DLG2: variants seen among roughly 807,000 people sequenced by gnomAD.
DLG2 encodes the protein disks large homolog 2.
A neutral mutation model predicts 132.5 loss-of-function variants in DLG2; 45 were observed. That is an observed-to-expected ratio of 0.34 (90% confidence interval 0.27 to 0.44). The LOEUF (loss-of-function observed/expected upper bound fraction) is 0.44, where lower values mean the gene tolerates loss of function less well. DLG2 is among the 20% of genes least tolerant of loss of function. DLG2 has a pLI of 1.00. For missense variants in DLG2, 1,045 were observed against 1,196.9 expected (o/e 0.87, Z 1.87); for synonymous variants, 424 against 419.6 (o/e 1.01, Z -0.13).
intron 3 of DLG2, among the ~76,000 whole-genome samples, chr11:85,301,138 T>C (rs992123816): frequency 6.6e-6 from 1 of 152,000 alleles, no homozygotes; most frequent in African/African-American, 2.4e-5. Flanking sequence ...GAGGCAGAGA[T>C]TGTAGTGAGC....
chr11:83,678,760 C>G (rs750541008), intron 18 of DLG2, among the ~76,000 whole-genome samples: 2 of 152,184 alleles, frequency 1.3e-5, no homozygotes, highest in African/African-American at 2.4e-5. Context: ...GGGAAATTTG[C>G]TCAGTTCAAA....
At chr11:83,464,613 C>T (rs2090661231) in intron 26 of DLG2, among the ~76,000 whole-genome samples, 1 of 152,214 alleles carries the variant, frequency 6.6e-6, no homozygotes, top group Non-Finnish European at 1.5e-5. Flanking sequence ...GTACATTTAA[C>T]TTTCCTTGGT....
chr11:85,495,987 C>A (rs940379374), intron 3 of DLG2, among the ~76,000 whole-genome samples: 6 of 152,180 alleles, frequency 3.9e-5, no homozygotes, highest in African/African-American at 1.4e-4. Context: ...GAGATCGACG[C>A]AGAAGACACG....
chr11:84,448,333 A>C (rs2154480235), intron 7 of DLG2, among the ~76,000 whole-genome samples: 2 of 152,208 alleles, frequency 1.3e-5, no homozygotes, highest in East Asian at 3.9e-4. Context: ...ATTGAACTAC[A>C]TAATCAATTC....
chr11:85,334,063 G>A (rs1001955176), intron 3 of DLG2, among the ~76,000 whole-genome samples: 1 of 152,028 alleles, frequency 6.6e-6, no homozygotes, highest in African/African-American at 2.4e-5. Context: ...TTTCATCCTG[G>A]GCTTTTTCTG....
In DLG2 at chr11:84,326,106, AT is replaced by A. The variant is rs1299299960; in HGVS notation, c.520-74816del. On this transcript the variant is annotated intron_variant, in intron 7 of 27. Transcript: ENST00000376104. ...AACATAACTTCTTTCATTTTAAAAA[AT>A]TTTAGCTATTTGAGCCTTCTCTTTT... 2.6e-5 allele frequency among the ~76,000 whole-genome samples: 4 copies of A among 152,060 alleles called. No homozygotes were observed. The South Asian group carries it at 6.2e-4, about 24-fold the overall frequency.
intron 6 of DLG2, among the ~76,000 whole-genome samples, chr11:84,713,586 G>C (rs1218839675): frequency 6.6e-6 from 1 of 152,036 alleles, no homozygotes; most frequent in Non-Finnish European, 1.5e-5. Context: ...GTCTAACAGA[G>C]TTTTAACCCG....
At chr11:85,166,546 G>A (rs936109554) in intron 4 of DLG2, among the ~76,000 whole-genome samples, 1 of 151,848 alleles carries the variant, frequency 6.6e-6, no homozygotes, top group Non-Finnish European at 1.5e-5. Flanking sequence ...CAGCTGGATG[G>A]GCTCTCTCAA....
At chr11:83,665,756 A>G (rs79427273) in intron 18 of DLG2, among the ~76,000 whole-genome samples, 1 of 152,248 alleles carries the variant, frequency 6.6e-6, no homozygotes, top group Non-Finnish European at 1.5e-5. Flanking sequence ...CTAAGGAAAA[A>G]TGAATAATTT....
At chr11:85,535,226 G>A (rs181079215) in intron 3 of DLG2, among the ~76,000 whole-genome samples, 16 of 152,116 alleles carry the variant, frequency 1.1e-4, no homozygotes, top group African/African-American at 2.4e-4. Context: ...GTGGTGATGC[G>A]GAGTATTTAG....
chr11:85,380,499 A>C, intron 3 of DLG2, among the ~76,000 whole-genome samples: 1 of 152,154 alleles, frequency 6.6e-6, no homozygotes, highest in East Asian at 1.9e-4. Context: ...GTCTCTACTA[A>C]AAATACAAAA....
chr11:84,225,856 G>C (rs1597856279), intron 8 of DLG2, among the ~76,000 whole-genome samples: 2 of 151,426 alleles, frequency 1.3e-5, no homozygotes, highest in East Asian at 3.9e-4. Context: ...TGTTGCCCAG[G>C]CCGAAGTGCA....
chr11:83,677,195 A>G lies in DLG2; in HGVS notation c.1826-43870T>C, dbSNP rs1014185. Among the ~76,000 whole-genome samples, 800 of 152,298 alleles carry G rather than the reference A, an allele frequency of 5.3e-3. 10 individuals carry two copies. The highest frequency in any genetic ancestry group is 0.018 in the African/African-American group (764 of 41,558). On this transcript the variant is annotated intron_variant, in intron 18 of 27. Coordinates refer to ENST00000376104, the MANE Select transcript of DLG2 (RefSeq NM_001142699.3). ...TCAAATGATAAATAAAACATAAAGA[A>G]GAAACTAAAAATAAAATGGAGATAC...
intron 7 of DLG2, among the ~76,000 whole-genome samples, chr11:84,372,690 T>C (rs2154429832): frequency 6.6e-6 from 1 of 152,326 alleles, no homozygotes; most frequent in Middle Eastern, 3.4e-3. Context: ...AAGTCACAAA[T>C]GACAAATCAA....
chr11:83,878,022 T>C (rs1313928494), intron 15 of DLG2, among the ~76,000 whole-genome samples: 1 of 152,180 alleles, frequency 6.6e-6, no homozygotes, highest in Non-Finnish European at 1.5e-5. Flanking sequence ...TTTCACCTCC[T>C]CAGGAAGAGA....
rs559179863 is a variant in DLG2, at chr11:84,829,213, T to C, written c.357+282448A>G. ...AATATACCTCCCTGCCCCACTCACA[T>C]AGGACTTGACCATGTGATTTGTTTT... On this transcript the variant is annotated intron_variant, in intron 6 of 27. Coordinates refer to ENST00000376104, the MANE Select transcript of DLG2 (RefSeq NM_001142699.3). Among the ~76,000 whole-genome samples, 21 of 151,738 alleles carry C rather than the reference T, an allele frequency of 1.4e-4. No homozygotes were observed. The South Asian group carries it at 3.7e-3, about 27-fold the overall frequency.
chr11:85,014,705 G>T (rs2252376), intron 6 of DLG2, among the ~76,000 whole-genome samples: 107,404 of 152,094 alleles, frequency 0.71, 38,902 homozygotes, highest in East Asian at 0.91. Flanking sequence ...AGCCCCACCC[G>T]GACCTAACAC....
At chr11:85,319,517 A>G (rs1202791469) in intron 3 of DLG2, among the ~76,000 whole-genome samples, 1 of 151,850 alleles carries the variant, frequency 6.6e-6, no homozygotes, top group Non-Finnish European at 1.5e-5. Flanking sequence ...TTGTATAAAC[A>G]CTATCCTCTA....
chr11:84,962,283 A>T (rs985733651), intron 6 of DLG2, among the ~76,000 whole-genome samples: 24 of 152,184 alleles, frequency 1.6e-4, no homozygotes, highest in Non-Finnish European at 1.2e-4. Context: ...CCAGACTTGA[A>T]CCCAAGCTGC....
Sources: gnomAD v4.1 joint callset for allele counts (sites outside exome capture counted in the v4.1 genomes callset) on GRCh38, gnomAD v4.1.1 for gene constraint, MANE v1.5 for transcripts, NCBI Gene and HGNC (gene_info 2026-07-23, HGNC 2026-07-21) for gene names.